The following CD163 variants were observed in gnomAD, a reference collection of about 807,000 sequenced individuals.
CD163 encodes CD163 molecule, also known as scavenger receptor cysteine-rich type 1 protein M130.
In CD163, 64 loss-of-function variants were observed where a neutral mutation model predicts 129.2. The ratio of observed to expected loss-of-function variants is 0.50; its 90% confidence interval spans 0.41 to 0.61. The LOEUF (loss-of-function observed/expected upper bound fraction) is 0.61, where lower values mean the gene tolerates loss of function less well. Among genes scored for constraint, CD163 ranks in the 20% least tolerant of loss-of-function variants. CD163 has a pLI of 0.00. For missense variants in CD163, 1,061 were observed against 1,377.9 expected (o/e 0.77, Z 3.64); for synonymous variants, 446 against 478.5 (o/e 0.93, Z 0.89).
chr12:7,486,620 C>T lies in CD163; in HGVS notation c.2337G>A (p.Gly779=), dbSNP rs970048297. The change falls in exon 10 of 17, where the codon GGG becomes GGA. Residue 779 remains glycine (G), a synonymous_variant. Coordinates refer to ENST00000432237, the MANE Select transcript of CD163 (RefSeq NM_203416.4). ...ATTTCATCTCATCCAGCCAGATGGGCCCTGTTCCTTCCCCAAAATGAGCAG... is the reference window on the plus strand; with the variant it reads ...ATTTCATCTCATCCAGCCAGATGGGTCCTGTTCCTTCCCCAAAATGAGCAG... The part of the protein sequence containing the change: ...TGSAHFGEGT[G]PIWLDEMKCN... 3 of 1,614,056 alleles carry T rather than the reference C, an allele frequency of 1.9e-6. No homozygotes were observed. The highest frequency in any genetic ancestry group is 1.3e-5 in the African/African-American group (1 of 74,926).
chr12:7,487,349 A>T lies in CD163; in HGVS notation c.2050+10T>A. On this transcript the variant is annotated intron_variant, in intron 8 of 16. Coordinates refer to ENST00000432237, the MANE Select transcript of CD163 (RefSeq NM_203416.4). This position sits in a 1 kb window ranked among gnomAD's most constrained non-coding sequence, Gnocchi z 5.1. Reference sequence around the variant, plus strand: ...TAAGACCCATCACTGGCTGCCCGTCATCCTCTTACCTGAGCAGATTACAGA... The same window carrying T: ...TAAGACCCATCACTGGCTGCCCGTCTTCCTCTTACCTGAGCAGATTACAGA... 6.4e-7 allele frequency: 1 copy of T among 1,553,016 alleles called. No individual in the cohort carries two copies. The highest frequency in any genetic ancestry group is 1.3e-5 in the South Asian group (1 of 79,690).
chr12:7,484,117 G>A (rs755858227), intron 11 of CD163, among the ~76,000 whole-genome samples: 287 of 151,774 alleles, frequency 1.9e-3, no homozygotes, highest in African/African-American at 6.5e-3. Context: ...GATTACAGGC[G>A]TGAGCCACCG....
chr12:7,497,231 A>G lies in CD163; in HGVS notation c.779-98T>C, dbSNP rs935698977. The stretch of plus-strand genomic sequence containing the variant: ...ATGAGTTAAGGAAAAGGGGAGAGAT[A>G]TAAGTGGAGACAGAGAAAACTGTGA... On this transcript the variant is annotated intron_variant, in intron 4 of 16. Coordinates refer to ENST00000432237, the MANE Select transcript of CD163 (RefSeq NM_203416.4). 2 of 965,778 alleles carry G rather than the reference A, an allele frequency of 2.1e-6. 1 individual carries two copies. The highest frequency in any genetic ancestry group is 4.5e-5 in the Admixed American group (2 of 44,000). 59.8% of individuals were successfully genotyped at this position (965,778 alleles called of 1,614,324 possible).
Position 7,486,771 on chromosome 12 carries a change from G to A in CD163, c.2186C>T (p.Ala729Val). The change falls in exon 10 of 17, where the codon GCT (alanine) becomes GTT (valine). Residue 729 changes from alanine to valine, a missense_variant. Ala to Val is a moderately conservative substitution (Grantham distance 64, BLOSUM62 0). Transcript: ENST00000432237. ...LRLVNGGGRC[A>V]GRVEIYHEGS... ...CTCATGATAGATCTCTACTCTCCCAGCACAGCGACCTCCTCCATTTACCAG... is the reference window on the plus strand; with the variant it reads ...CTCATGATAGATCTCTACTCTCCCAACACAGCGACCTCCTCCATTTACCAG... 6.2e-7 allele frequency: 1 copy of A among 1,612,818 alleles called. No homozygotes were observed. The highest frequency in any genetic ancestry group is 1.1e-5 in the South Asian group (1 of 91,012).
intron 14 of CD163, 64 bp from the exon 15 acceptor site, chr12:7,481,320 G>T (rs985470285): frequency 1.6e-6 from 2 of 1,281,802 alleles, no homozygotes; most frequent in African/African-American, 2.9e-5. Flanking sequence ...TGCTGTAAGT[G>T]TGTTTTTTCC....
chr12:7,482,157 C>G (rs1163788957), intron 14 of CD163, among the ~76,000 whole-genome samples: 1 of 152,054 alleles, frequency 6.6e-6, no homozygotes, highest in Non-Finnish European at 1.5e-5. Flanking sequence ...TAATACATTG[C>G]TCAACAGAAC....
intron 6 of CD163, among the ~76,000 whole-genome samples, chr12:7,488,486 A>T (rs1193515325): frequency 1.3e-5 from 2 of 152,114 alleles, no homozygotes; most frequent in Non-Finnish European, 2.9e-5. Flanking sequence ...AACCTTTTTG[A>T]ATTGTTCTAT....
intron 6 of CD163, among the ~76,000 whole-genome samples, chr12:7,493,159 G>A (rs1473367059): frequency 1.3e-5 from 2 of 152,142 alleles, no homozygotes; most frequent in African/African-American, 2.4e-5. Context: ...TAATCCAAAG[G>A]TCCCTAAACC....
At position 7,479,907 on chromosome 12, in the gene CD163, T is replaced by C; in HGVS notation, c.3350A>G (p.His1117Arg). 6.2e-7 allele frequency: 1 copy of C among 1,613,066 alleles called. No individual in the cohort carries two copies. Among genetic ancestry groups the C allele is most frequent in the Non-Finnish European group, 8.5e-7 (1 of 1,179,454 alleles). Residue 1117 changes from histidine (H) to arginine (R), a missense_variant, in exon 16 of 17, where the codon CAT (histidine) becomes CGT (arginine). Coordinates refer to ENST00000432237, the MANE Select transcript of CD163 (RefSeq NM_203416.4). The stretch of plus-strand genomic sequence containing the variant: ...TTTTCCTTTTCAGTGTGGCTCAGAA[T>C]GGCCTCCTTTTCCATTCCAGAAATA... ...DLDLMNSSGGHSEPH is the reference protein window; with the variant it reads ...DLDLMNSSGGRSEPH
chr12:7,486,660 A>G lies in CD163; in HGVS notation c.2297T>C (p.Ile766Thr). Residue 766 changes from isoleucine (I) to threonine (T), a missense_variant, in exon 10 of 17, where the codon ATT (isoleucine) becomes ACT (threonine). By Grantham distance (89) the Ile-to-Thr change is moderately conservative. Transcript: ENST00000432237. Reference sequence around the variant, plus strand: ...AAAATGAGCAGAACCAGTGGCATTAATGGCCTCTCCACAGCCCAGCTGTCT... The same window carrying G: ...AAAATGAGCAGAACCAGTGGCATTAGTGGCCTCTCCACAGCCCAGCTGTCT... ...VCRQLGCGEA[I>T]NATGSAHFGE... The G allele has an allele frequency of 6.2e-7, 1 of 1,614,150 alleles. No homozygotes were observed. Among genetic ancestry groups the G allele is most frequent in the Non-Finnish European group, 8.5e-7 (1 of 1,180,024 alleles).
rs1949398327 is a variant in CD163, at chr12:7,496,203, T to G, written c.1099+610A>C. Among the ~76,000 whole-genome samples, 1 of 152,128 alleles carries G rather than the reference T, an allele frequency of 6.6e-6. No individual in the cohort carries two copies. Among genetic ancestry groups the G allele is most frequent in the South Asian group, 2.1e-4 (1 of 4,824 alleles). On this transcript the variant is annotated intron_variant, in intron 5 of 16. Coordinates refer to ENST00000432237, the MANE Select transcript of CD163 (RefSeq NM_203416.4). This position sits in a 1 kb window ranked among gnomAD's most constrained non-coding sequence, Gnocchi z 4.8. ...ACACAGATGAAGCTAGAAACCATCA[T>G]CCTCAGCAAACTAACACACAAGAAC...
rs905695053 is a variant in CD163 at position 7,472,257 on chromosome 12, A to AC, written c.*32-861dup. ...GACTGCCTCCTCAAGTGGGTCCCTG[A>AC]CCCCCATGCCTAGTGACTAGGAGAG... On this transcript the variant is annotated intron_variant, in intron 16 of 16. Transcript: ENST00000432237. Among the ~76,000 whole-genome samples the AC allele has an allele frequency of 8.5e-5, 13 of 152,066 alleles. 1 individual carries two copies. Among genetic ancestry groups the AC allele is most frequent in the African/African-American group, 2.2e-4 (9 of 41,466 alleles).
chr12:7,501,019 A>T, intron 3 of CD163, 120 bp downstream of exon 3: 1 of 794,884 alleles, frequency 1.3e-6, no homozygotes, highest in Admixed American at 2.3e-5. Flanking sequence ...TGGATGGAGT[A>T]CTTTTATACA....
At chr12:7,488,666 C>T (rs757377765) in intron 6 of CD163, among the ~76,000 whole-genome samples, 189 of 152,172 alleles carry the variant, frequency 1.2e-3, no homozygotes, top group African/African-American at 4.2e-3. Context: ...AAGTTCTGTC[C>T]GTAACCTTCT....
At chr12:7,483,724 C>T in intron 11 of CD163, 49 bp from the exon 12 acceptor site, 1 of 1,343,720 alleles carries the variant, frequency 7.4e-7, no homozygotes, top group Non-Finnish European at 1.0e-6. Flanking sequence ...CTAAAAGTTT[C>T]CAGGAGTTCA....
rs1431725493 is a variant in CD163, at chr12:7,496,805, T to G, written c.1099+8A>C. 1 of 1,613,616 alleles carries G rather than the reference T, an allele frequency of 6.2e-7. No homozygotes were observed. Among genetic ancestry groups the G allele is most frequent in the South Asian group, 1.1e-5 (1 of 91,044 alleles). Reference sequence around the variant, plus strand: ...TAGTGTTTTGGTTTTGGTTTGGTTTTAACTTACCAGAACATGTCACGCCAG... The same window carrying G: ...TAGTGTTTTGGTTTTGGTTTGGTTTGAACTTACCAGAACATGTCACGCCAG... On this transcript the variant is annotated splice_region_variant and intron_variant, in intron 5 of 16. Transcript: ENST00000432237. This position sits in a 1 kb window ranked among gnomAD's most constrained non-coding sequence, Gnocchi z 4.8.
chr12:7,483,092 C>A, intron 12 of CD163, 88 bp from the exon 13 acceptor site: 1 of 1,289,184 alleles, frequency 7.8e-7, no homozygotes, highest in Non-Finnish European at 1.1e-6. Flanking sequence ...CCCTTAGTAC[C>A]TCTCAACCAA....
At position 7,496,175 on chromosome 12, in the gene CD163, G is replaced by A. The variant is rs182481489; in HGVS notation, c.1099+638C>T. 7.0e-4 allele frequency among the ~76,000 whole-genome samples: 107 copies of A among 152,266 alleles called. No homozygotes were observed. Among genetic ancestry groups the A allele is most frequent in the Non-Finnish European group, 1.4e-3 (94 of 68,032 alleles). ...AAAGAATGAGTTTATGTCCTTTGAA[G>A]GGACACAGATGAAGCTAGAAACCAT... is the stretch of plus-strand genomic sequence containing the variant. On this transcript the variant is annotated intron_variant, in intron 5 of 16. Coordinates refer to ENST00000432237, the MANE Select transcript of CD163 (RefSeq NM_203416.4). This position sits in a 1 kb window ranked among gnomAD's most constrained non-coding sequence, Gnocchi z 4.8.
At position 7,486,929 on chromosome 12, in the gene CD163, G is replaced by T; in HGVS notation, c.2108C>A (p.Pro703His). The T allele has an allele frequency of 6.2e-7, 1 of 1,614,126 alleles. No homozygotes were observed. Reference sequence around the variant, plus strand: ...CACAGCACTTTCTTCTGGAATGGTAGGCCTTGTTGGGCCCAAAGACGATGA... The same window carrying T: ...CACAGCACTTTCTTCTGGAATGGTATGCCTTGTTGGGCCCAAAGACGATGA... The part of the protein sequence containing the change: ...CNSSSLGPTR[P>H]TIPEESAVAC... Residue 703 changes from proline to histidine, a missense_variant, in exon 9 of 17, where the codon CCT (proline) becomes CAT (histidine). Physicochemically the swap from Pro to His is moderately conservative, Grantham distance 77 (BLOSUM62 -2). Coordinates refer to ENST00000432237, the MANE Select transcript of CD163 (RefSeq NM_203416.4).
Sources: allele counts gnomAD v4.1 joint callset (sites outside exome capture counted in the v4.1 genomes callset), GRCh38; gene constraint gnomAD v4.1.1; non-coding constraint Gnocchi (gnomAD v3.1); transcripts MANE v1.5; gene names NCBI Gene and HGNC (gene_info 2026-07-23, HGNC 2026-07-21).